Variants in SMG1 observed in about 807,000 individuals in gnomAD.
SMG1 encodes serine/threonine-protein kinase SMG1.
Under a neutral mutation model 419.9 loss-of-function variants are expected in SMG1, and 22 were observed. The ratio of observed to expected loss-of-function variants is 0.05; its 90% CI spans 0.04 to 0.07. The LOEUF is 0.07. SMG1 is among the 10% of genes least tolerant of loss of function. SMG1 has a pLI of 1.00. For synonymous variants in SMG1, 1,538 were observed against 1,553.5 expected, an observed-to-expected ratio of 0.99 and a Z score of 0.23; for missense variants, 3,185 against 4,342.0, an observed-to-expected ratio of 0.73 and a Z score of 7.49.
intron 1 of SMG1, among the ~76,000 whole-genome samples, chr16:18,900,924 G>C (rs1215834517): frequency 6.6e-6 from 1 of 152,152 alleles, no homozygotes; most frequent in East Asian, 1.9e-4. Context: ...ATAAGAGAAA[G>C]GGTGAAACTA....
Position 18,836,426 on chromosome 16 carries a change from A to C in SMG1, c.7711T>G (p.Phe2571Val). 6.2e-7 allele frequency: 1 copy of C among 1,614,034 alleles called. No individual in the cohort carries two copies. The highest frequency in any genetic ancestry group is 8.5e-7 in the Non-Finnish European group (1 of 1,179,898). The change falls in exon 47 of 63, where the codon TTC becomes GTC. Residue 2571 changes from phenylalanine to valine, a missense_variant. By Grantham distance (50) the Phe-to-Val change is conservative. Coordinates refer to ENST00000446231, the MANE Select transcript of SMG1 (RefSeq NM_015092.5). ...AGCTGTGTTGCTTCTAAATTATTGAATGCAGCCTGATAATGTGTTATCCAT... is the reference window on the plus strand; with the variant it reads ...AGCTGTGTTGCTTCTAAATTATTGACTGCAGCCTGATAATGTGTTATCCAT... ...EQWITHYQAA[F>V]NNLEATQLAS...
chr16:18,912,625 T>C (rs2037837521), intron 1 of SMG1, among the ~76,000 whole-genome samples: 1 of 152,074 alleles, frequency 6.6e-6, no homozygotes, highest in Admixed American at 6.6e-5. Context: ...AAGGTATCTT[T>C]TACAAAATTT....
At chr16:18,888,820 CTTTTTTT>C (rs71141087) in intron 6 of SMG1, among the ~76,000 whole-genome samples, 6 of 112,012 alleles carry the variant, frequency 5.4e-5, no homozygotes, top group South Asian at 3.1e-4. Flanking sequence ...CAACATGTAT[CTTTTTTT>C]TTTTTTTTTT....
chr16:18,885,070 G>A lies in SMG1; in HGVS notation c.1021+20C>T, dbSNP rs1596594749. 1 of 666,482 alleles carries A rather than the reference G, an allele frequency of 1.5e-6. No individual in the cohort carries two copies. The highest frequency in any genetic ancestry group is 1.8e-5 in the African/African-American group (1 of 54,718). The allele number at this position is 666,482 out of a possible 1,614,324, so 41.3% of individuals were successfully genotyped here. On this transcript the variant is annotated intron_variant, in intron 8 of 62. Coordinates refer to ENST00000446231, the MANE Select transcript of SMG1 (RefSeq NM_015092.5). ...CTCCCCGACAGTATTTAAATAACTG[G>A]TATAGGCTGCAAGACTTACCAGATA...
intron 1 of SMG1, among the ~76,000 whole-genome samples, chr16:18,922,377 G>A (rs1188529719): frequency 6.6e-6 from 1 of 152,198 alleles, no homozygotes; most frequent in African/African-American, 2.4e-5. Context: ...AAAAAAACCA[G>A]AGGCATCCAG....
intron 1 of SMG1, among the ~76,000 whole-genome samples, chr16:18,905,262 A>G (rs564594332): frequency 3.3e-5 from 5 of 152,274 alleles, no homozygotes; most frequent in African/African-American, 1.2e-4. Flanking sequence ...CTCTGACTCA[A>G]AACAAAAAAC....
At chr16:18,881,765 AT>A (rs1344923976) in intron 10 of SMG1, among the ~76,000 whole-genome samples, 1 of 152,194 alleles carries the variant, frequency 6.6e-6, no homozygotes, top group African/African-American at 2.4e-5. Context: ...ACAAGTTTTC[AT>A]ATGAGTTCCA....
intron 51 of SMG1, among the ~76,000 whole-genome samples, chr16:18,830,626 A>T (rs1397678710): frequency 6.6e-6 from 1 of 152,152 alleles, no homozygotes. Context: ...CGTCTCTACT[A>T]AAAATACAAA....
intron 26 of SMG1, 59 bp from the exon 27 acceptor site, chr16:18,859,762 T>A: frequency 7.0e-7 from 1 of 1,421,992 alleles, no homozygotes; most frequent in Non-Finnish European, 9.6e-7. Flanking sequence ...AATTTTGATT[T>A]ATGTTTGGCA....
chr16:18,845,307 C>G, intron 39 of SMG1, 122 bp downstream of exon 39: 1 of 778,858 alleles, frequency 1.3e-6, no homozygotes, highest in Non-Finnish European at 2.0e-6. Flanking sequence ...TGGCCACAGG[C>G]TGCCTCCTAT....
At chr16:18,908,875 G>A (rs1362411105) in intron 1 of SMG1, among the ~76,000 whole-genome samples, 3 of 147,644 alleles carry the variant, frequency 2.0e-5, no homozygotes, top group Admixed American at 6.8e-5. Context: ...GCGAGACTCC[G>A]CCTCAAAAAA....
At chr16:18,843,426 T>C (rs192544983) in intron 39 of SMG1, among the ~76,000 whole-genome samples, 21 of 152,364 alleles carry the variant, frequency 1.4e-4, no homozygotes, top group Admixed American at 6.5e-4. Context: ...TACAGTTGTG[T>C]TGCTACATGC....
At chr16:18,875,641 G>C (rs951120247) in intron 13 of SMG1, 2 of 154,852 alleles carry the variant, frequency 1.3e-5, no homozygotes, top group African/African-American at 2.4e-5. Context: ...AACACTTCCA[G>C]TCCCAAGTAT....
At chr16:18,869,436 AG>A (rs760157963) in intron 19 of SMG1, 133 bp from the exon 20 acceptor site, 11 of 726,418 alleles carry the variant, frequency 1.5e-5, no homozygotes, top group Admixed American at 5.6e-5. Context: ...TATGAAATTG[AG>A]AAGCATTGTG....
At chr16:18,831,059 C>G (rs1390071498) in intron 51 of SMG1, among the ~76,000 whole-genome samples, 1 of 152,116 alleles carries the variant, frequency 6.6e-6, no homozygotes, top group Non-Finnish European at 1.5e-5. Context: ...ACGATACAAC[C>G]AAGTATACTT....
intron 38 of SMG1, among the ~76,000 whole-genome samples, chr16:18,846,824 A>T (rs2034294713): frequency 6.6e-6 from 1 of 152,244 alleles, no homozygotes; most frequent in African/African-American, 2.4e-5. Context: ...CTCCTCAGTA[A>T]GTCAGACGTA....
At chr16:18,909,070 C>G (rs2037692270) in intron 1 of SMG1, among the ~76,000 whole-genome samples, 1 of 150,678 alleles carries the variant, frequency 6.6e-6, no homozygotes, top group Admixed American at 6.6e-5. Context: ...TGGCCAGGCA[C>G]GGTGGCTCAC....
intron 23 of SMG1, among the ~76,000 whole-genome samples, chr16:18,864,500 T>C (rs2035392551): frequency 6.6e-6 from 1 of 151,366 alleles, no homozygotes; most frequent in Non-Finnish European, 1.5e-5. Context: ...GCCTGGCCTT[T>C]ACTTACTTAT....
chr16:18,815,654 A>G lies in SMG1; in HGVS notation c.10303-3T>C. Reference sequence around the variant, plus strand: ...TCTGCCAGAGCAGCTTCTTCATCCTAGAATTGATAAATTAATGATTAAGAA... The same window carrying G: ...TCTGCCAGAGCAGCTTCTTCATCCTGGAATTGATAAATTAATGATTAAGAA... On this transcript the variant is annotated splice_region_variant and splice_polypyrimidine_tract_variant and intron_variant, in intron 58 of 62. Transcript: ENST00000446231. The G allele has an allele frequency of 6.2e-7, 1 of 1,609,852 alleles. No homozygotes were observed. The highest frequency in any genetic ancestry group is 8.5e-7 in the Non-Finnish European group (1 of 1,177,220).
Sources: allele counts gnomAD v4.1 joint callset (sites outside exome capture counted in the v4.1 genomes callset), GRCh38; gene constraint gnomAD v4.1.1; transcripts MANE v1.5; gene names NCBI Gene and HGNC (gene_info 2026-07-23, HGNC 2026-07-21).